The following COPZ1 variants were observed in gnomAD, a reference collection of about 807,000 sequenced individuals.
COPZ1 encodes coat protein complex I subunit zeta 1.
A neutral mutation model predicts 31.7 loss-of-function variants in COPZ1; 4 were observed. That is an observed-to-expected ratio of 0.13 (90% CI 0.06 to 0.29). The LOEUF (loss-of-function observed/expected upper bound fraction) is 0.29. Among genes scored for constraint, COPZ1 ranks in the 10% least tolerant of loss-of-function variants. The pLI, the probability that COPZ1 is intolerant of heterozygous loss-of-function variation, is 1.00. For synonymous variants in COPZ1, 74 were observed against 79.0 expected (o/e 0.94, Z 0.33); for missense variants, 156 against 211.5 (o/e 0.74, Z 1.63).
intron 3 of COPZ1, among the ~76,000 whole-genome samples, chr12:54,342,931 C>A (rs2141588): frequency 0.15 from 23,007 of 149,428 alleles, 2,017 homozygotes; most frequent in East Asian, 0.23. Flanking sequence ...ATCTCGGCTC[C>A]CTGCAACCTC....
At chr12:54,350,039 C>T (rs1380480357) in intron 8 of COPZ1, 7 of 598,254 alleles carry the variant, frequency 1.2e-5, no homozygotes, top group Non-Finnish European at 2.1e-5. Flanking sequence ...AATGCATATT[C>T]TAGAATATGC....
intron 1 of COPZ1, among the ~76,000 whole-genome samples, chr12:54,326,677 G>A (rs997661305): frequency 6.3e-5 from 9 of 142,974 alleles, no homozygotes; most frequent in African/African-American, 1.3e-4. Context: ...GTGTGTGTGT[G>A]TGTAGGTAGG....
At position 54,341,457 on chromosome 12, in the gene COPZ1, A is replaced by G. The variant is rs755475962; in HGVS notation, c.88-749A>G. Among the ~76,000 whole-genome samples, 149 of 152,210 alleles carry G rather than the reference A, an allele frequency of 9.8e-4. 4 individuals carry two copies. Among genetic ancestry groups the G allele is most frequent in the Non-Finnish European group, 3.1e-4 (21 of 68,038 alleles). ...CTCCGGGCGAGCGTAGCATAAATCA[A>G]TCAGCAGGTAGAGATTAGTTTAGAA... On this transcript the variant is annotated intron_variant, in intron 2 of 8. Transcript: ENST00000262061.
chr12:54,337,019 CAAAAAAAAAAAAA>C (rs1182592654), intron 1 of COPZ1, among the ~76,000 whole-genome samples: 1 of 61,646 alleles, frequency 1.6e-5, no homozygotes, highest in East Asian at 3.6e-4. Context: ...GAGACTGTCG[CAAAAAAAAAAAAA>C]AAAAAAAAAA....
intron 1 of COPZ1, among the ~76,000 whole-genome samples, chr12:54,339,274 A>G (rs546823346): frequency 5.7e-4 from 86 of 151,902 alleles, no homozygotes; most frequent in Non-Finnish European, 8.5e-4. Context: ...AAAAAAAAAA[A>G]AAAGAAAGTC....
chr12:54,347,947 T>A, intron 6 of COPZ1, 53 bp from the exon 7 acceptor site: 1 of 1,601,782 alleles, frequency 6.2e-7, no homozygotes, highest in Non-Finnish European at 8.6e-7. Context: ...TCCCCGACAG[T>A]GAGTTGGGCC....
chr12:54,335,443 C>G (rs1953842552), intron 1 of COPZ1, among the ~76,000 whole-genome samples: 2 of 149,856 alleles, frequency 1.3e-5, no homozygotes, highest in Non-Finnish European at 3.0e-5. Flanking sequence ...AAGTCTTGCT[C>G]TGTCGCCCAG....
Position 54,325,133 on chromosome 12 carries a change from G to C in COPZ1, c.-31G>C. On this transcript the variant is annotated 5_prime_UTR_variant, in exon 1 of 9. Coordinates refer to ENST00000262061, the MANE Select transcript of COPZ1 (RefSeq NM_016057.3). ...CAATCAGCGGCGGCGTTTCTTTTGCGGCTCCACGTCGGCACCAGCTGCGGG... is the reference window on the plus strand; with the variant it reads ...CAATCAGCGGCGGCGTTTCTTTTGCCGCTCCACGTCGGCACCAGCTGCGGG... 1 of 1,559,596 alleles carries C rather than the reference G, an allele frequency of 6.4e-7. No homozygotes were observed. The highest frequency in any genetic ancestry group is 8.7e-7 in the Non-Finnish European group (1 of 1,152,326).
chr12:54,339,060 G>GC (rs1953922990), intron 1 of COPZ1, among the ~76,000 whole-genome samples: 1 of 151,976 alleles, frequency 6.6e-6, no homozygotes, highest in African/African-American at 2.4e-5. Context: ...CTTAAATAAG[G>GC]CCAGGAAAGA....
At chr12:54,339,605 C>T (rs1953936027) in intron 1 of COPZ1, among the ~76,000 whole-genome samples, 1 of 152,118 alleles carries the variant, frequency 6.6e-6, no homozygotes, top group Admixed American at 6.5e-5. Context: ...CCTCAGCCTC[C>T]TGCGATTTTC....
At chr12:54,334,081 AAAT>A (rs1022189296) in intron 1 of COPZ1, among the ~76,000 whole-genome samples, 1 of 151,380 alleles carries the variant, frequency 6.6e-6, no homozygotes, top group Non-Finnish European at 1.5e-5. Flanking sequence ...GGGTGACAAG[AAAT>A]AATAATAATA....
intron 1 of COPZ1, 45 bp downstream of exon 1, chr12:54,325,226 G>C (rs902535601): frequency 6.5e-7 from 1 of 1,547,500 alleles, no homozygotes; most frequent in Admixed American, 2.0e-5. Flanking sequence ...GTCCACAGGG[G>C]CCGGGAGTCA....
At chr12:54,345,695 C>T (rs145837458) in intron 5 of COPZ1, among the ~76,000 whole-genome samples, 180 bp downstream of exon 5, 385 of 152,082 alleles carry the variant, frequency 2.5e-3, no homozygotes, top group Non-Finnish European at 3.8e-3. Flanking sequence ...CAGTGGCTCA[C>T]GTTCGTAATC....
At chr12:54,328,400 T>C (rs752117173) in intron 1 of COPZ1, among the ~76,000 whole-genome samples, 1 of 151,582 alleles carries the variant, frequency 6.6e-6, no homozygotes, top group Non-Finnish European at 1.5e-5. Flanking sequence ...TGAAACCCGG[T>C]CTCTGCTAAA....
At chr12:54,340,345 T>C in intron 1 of COPZ1, 1 of 773,922 alleles carries the variant, frequency 1.3e-6, no homozygotes, top group South Asian at 2.7e-5. Context: ...ATCCTTTGTT[T>C]AAATGCTTTC....
At chr12:54,348,104 C>G in intron 7 of COPZ1, 53 bp downstream of exon 7, 1 of 1,554,670 alleles carries the variant, frequency 6.4e-7, no homozygotes, top group East Asian at 2.2e-5. Flanking sequence ...AAACACCCTC[C>G]AGAGCCAGAC....
chr12:54,348,131 G>A, intron 7 of COPZ1, 80 bp downstream of exon 7: 2 of 1,314,788 alleles, frequency 1.5e-6, no homozygotes, highest in Non-Finnish European at 2.2e-6. Context: ...GATGTGTCCA[G>A]TAGTTGGGGC....
At chr12:54,334,428 A>C (rs532758077) in intron 1 of COPZ1, among the ~76,000 whole-genome samples, 3 of 151,736 alleles carry the variant, frequency 2.0e-5, no homozygotes, top group South Asian at 2.1e-4. Context: ...CAAAAAAAAA[A>C]ATCTGATATG....
At chr12:54,349,162 T>G (rs748579878) in intron 7 of COPZ1, among the ~76,000 whole-genome samples, 2 of 152,216 alleles carry the variant, frequency 1.3e-5, no homozygotes, top group Non-Finnish European at 2.9e-5. Context: ...CTTCTTAGGC[T>G]GCTGTTGCAG....
Sources: gnomAD v4.1 joint callset for allele counts (sites outside exome capture counted in the v4.1 genomes callset) on GRCh38, gnomAD v4.1.1 for gene constraint, MANE v1.5 for transcripts, NCBI Gene and HGNC (gene_info 2026-07-23, HGNC 2026-07-21) for gene names.